The following TPR variants were observed in gnomAD, a reference collection of about 807,000 sequenced individuals.
The protein encoded by TPR is nucleoprotein TPR.
TPR carries 51 observed loss-of-function variants against 316.1 expected under a neutral mutation model. The observed-to-expected ratio is 0.16, with a 90% CI of 0.13 to 0.20. The LOEUF (loss-of-function observed/expected upper bound fraction) is 0.20. TPR is among the 10% of genes least tolerant of loss of function. The pLI is 1.00. For synonymous variants in TPR, 981 were observed against 914.7 expected, an observed-to-expected ratio of 1.07 and a Z score of -1.31; for missense variants, 2,272 against 2,754.8, an observed-to-expected ratio of 0.82 and a Z score of 3.92.
At chr1:186,339,797 G>T (rs1254096514) in intron 29 of TPR, 25 bp from the exon 30 acceptor site, 6 of 1,539,564 alleles carry the variant, frequency 3.9e-6, no homozygotes, top group South Asian at 2.5e-5. Context: ...ATGCATACTT[G>T]ATTTTTTTAG....
intron 2 of TPR, among the ~76,000 whole-genome samples, chr1:186,372,892 T>A (rs142862561): frequency 8.1e-4 from 123 of 152,290 alleles, no homozygotes; most frequent in Middle Eastern, 3.4e-3. Flanking sequence ...TTATAAAAAT[T>A]ATTAAAAAAT....
rs1658038149 is a variant in TPR, at chr1:186,327,528, C to G, written c.5821G>C (p.Asp1941His). 1 of 1,611,618 alleles carries G rather than the reference C, an allele frequency of 6.2e-7. No individual in the cohort carries two copies. Among genetic ancestry groups the G allele is most frequent in the Non-Finnish European group, 8.5e-7 (1 of 1,179,474 alleles). Residue 1941 changes from aspartate (D) to histidine (H), a missense_variant, in exon 40 of 51, where the codon GAT becomes CAT. Transcript: ENST00000367478. ...TCACTGTCAATTACAATGACATCAT[C>G]TCCTTTGCCTTGACCATCCTGGGAT... The part of the protein sequence containing the change: ...TSSQDGQGKG[D>H]DVIVIDSDDE...
rs767500118 is a variant in TPR at position 186,357,345 on chromosome 1, C to T, written c.1724+52G>A. ...TACAGGCATGAGACACTGAGCCTAG[C>T]TGAGGTTTTCATAAATGTTTGCTCA... On this transcript the variant is annotated intron_variant, in intron 14 of 50. Transcript: ENST00000367478. 3.7e-5 allele frequency: 59 copies of T among 1,573,900 alleles called. No individual in the cohort carries two copies. In the African/African-American group the frequency reaches 7.9e-4, roughly 21 times the overall value.
At chr1:186,357,358 A>G in intron 14 of TPR, 39 bp downstream of exon 14, 1 of 1,599,144 alleles carries the variant, frequency 6.3e-7, no homozygotes, top group Non-Finnish European at 8.6e-7. Context: ...AGGTTTTCAT[A>G]AATGTTTGCT....
intron 27 of TPR, chr1:186,342,587 C>G (rs996737157): frequency 2.0e-4 from 31 of 152,178 alleles, no homozygotes; most frequent in African/African-American, 7.0e-4. Context: ...ACACATAAAT[C>G]CCATAAAATT....
At chr1:186,335,595 C>G in intron 33 of TPR, 52 bp from the exon 34 acceptor site, 1 of 1,440,916 alleles carries the variant, frequency 6.9e-7, no homozygotes, top group Non-Finnish European at 9.3e-7. Flanking sequence ...ACATTTAAAA[C>G]AGCATTTATG....
chr1:186,312,475 C>A lies in TPR; in HGVS notation c.*1496G>T. ...AAATATGGATACTGATCAAACAGCC[C>A]TAATAATTTAAGCTTACTGATGAAA... On this transcript the variant is annotated 3_prime_UTR_variant, in exon 51 of 51. Coordinates refer to ENST00000367478, the MANE Select transcript of TPR (RefSeq NM_003292.3). The A allele has an allele frequency of 1.7e-6, 2 of 1,160,312 alleles. No homozygotes were observed. The highest frequency in any genetic ancestry group is 2.4e-6 in the Non-Finnish European group (2 of 823,516). The allele number at this position is 1,160,312 out of a possible 1,614,324, so 71.9% of individuals were successfully genotyped here.
chr1:186,323,587 TA>T, intron 43 of TPR, 98 bp downstream of exon 43: 12 of 1,215,856 alleles, frequency 9.9e-6, no homozygotes, highest in Non-Finnish European at 1.3e-5. Context: ...ATTGCTAATT[TA>T]AAAAAACCAA....
At chr1:186,339,589 G>C in intron 30 of TPR, 53 bp downstream of exon 30, 1 of 1,370,088 alleles carries the variant, frequency 7.3e-7, no homozygotes, top group South Asian at 1.9e-5. Context: ...ATGTAAATAA[G>C]TAAAATAAAC....
chr1:186,348,430 T>C (rs973538068), intron 21 of TPR, among the ~76,000 whole-genome samples: 9 of 152,214 alleles, frequency 5.9e-5, no homozygotes, highest in Non-Finnish European at 1.5e-5. Context: ...AAGATGTTTA[T>C]CAAGACAATA....
chr1:186,335,116 T>C lies in TPR; in HGVS notation c.4925A>G (p.Gln1642Arg). ...QEPSNKVPEQ[Q>R]RQITLKTTPA... The stretch of plus-strand genomic sequence containing the variant: ...AGTTGTTTTCAATGTGATCTGTCTC[T>C]GCTGTTCAGGGACCTATAAAGAGAA... Residue 1642 changes from glutamine (Q) to arginine (R), a missense_variant, in exon 35 of 51, where the codon CAG (glutamine) becomes CGG (arginine). Gln to Arg is a conservative substitution (Grantham distance 43). This residue lies in a region of TPR where 109 missense variants were observed against 215.3 expected (regional missense o/e 0.51). Coordinates refer to ENST00000367478, the MANE Select transcript of TPR (RefSeq NM_003292.3). The C allele has an allele frequency of 1.2e-6, 2 of 1,612,902 alleles. No individual in the cohort carries two copies. Among genetic ancestry groups the C allele is most frequent in the Non-Finnish European group, 8.5e-7 (1 of 1,179,442 alleles).
intron 27 of TPR, chr1:186,342,635 A>G (rs987498377): frequency 2.6e-5 from 4 of 151,830 alleles, no homozygotes; most frequent in Non-Finnish European, 5.9e-5. Flanking sequence ...TTTCTTCTTA[A>G]CAGTCATTTT....
rs575345627 is a variant in TPR, at chr1:186,362,352, C to G, written c.725G>C (p.Gly242Ala). 8 of 1,611,916 alleles carry G rather than the reference C, an allele frequency of 5.0e-6. No homozygotes were observed. Among genetic ancestry groups the G allele is most frequent in the Middle Eastern group, 1.7e-4 (1 of 6,050 alleles). Residue 242 changes from glycine (G) to alanine (A), a missense_variant, in exon 7 of 51, where the codon GGC becomes GCC. By Grantham distance (60) the Gly-to-Ala change is moderately conservative. Coordinates refer to ENST00000367478, the MANE Select transcript of TPR (RefSeq NM_003292.3). ...EVSRLEEQMN[G>A]LKTSNEHLQK... ...AAGATGTTCATTTGATGTTTTTAAG[C>G]CATTCATTTGTTCTTCCAGTCTAGA... is the stretch of plus-strand genomic sequence containing the variant.
Position 186,370,989 on chromosome 1 carries a change from T to A in TPR, c.311A>T (p.Asp104Val). 1 of 1,612,998 alleles carries A rather than the reference T, an allele frequency of 6.2e-7. No individual in the cohort carries two copies. The highest frequency in any genetic ancestry group is 1.1e-5 in the South Asian group (1 of 91,056). ...TCTTACCTGAATGGCAATATTGCGATCCTGAGCAATTTCAAGTTCTTTGTT... is the reference window on the plus strand; with the variant it reads ...TCTTACCTGAATGGCAATATTGCGAACCTGAGCAATTTCAAGTTCTTTGTT... Reference protein sequence around the residue: ...EKNKELEIAQDRNIAIQSQFT... With the variant: ...EKNKELEIAQVRNIAIQSQFT... The change falls in exon 3 of 51, where the codon GAT (aspartate) becomes GTT (valine). Residue 104 changes from aspartate to valine, a missense_variant. Around this residue, in one of 10 missense-constraint regions of TPR, gnomAD observed 549 missense variants for 598.6 expected, o/e 0.92. Transcript: ENST00000367478.
rs774281670 is a variant in TPR at position 186,356,497 on chromosome 1, T to C, written c.1725-48A>G. ...TCACAGGACTGAACTGAGAGTTAAC[T>C]GATTGTAATTTCTACTGTAATTAAC... On this transcript the variant is annotated intron_variant, in intron 14 of 50. Coordinates refer to ENST00000367478, the MANE Select transcript of TPR (RefSeq NM_003292.3). 2.6e-6 allele frequency: 4 copies of C among 1,514,866 alleles called. No individual in the cohort carries two copies. The Admixed American group carries it at 7.6e-5, about 29-fold the overall frequency. 93.8% of individuals were successfully genotyped at this position (1,514,866 alleles called of 1,614,324 possible).
In TPR at chr1:186,361,712, A is replaced by T. The variant is rs1210306110; in HGVS notation, c.871-3T>A. On this transcript the variant is annotated splice_polypyrimidine_tract_variant and splice_region_variant and intron_variant, in intron 8 of 50. Coordinates refer to ENST00000367478, the MANE Select transcript of TPR (RefSeq NM_003292.3). ...GCTTCTGAGTCATCAGCGGCACTCT[A>T]AAAGTTAATCTTAAAAAGTTACCTA... 4 of 1,613,290 alleles carry T rather than the reference A, an allele frequency of 2.5e-6. No homozygotes were observed. Among genetic ancestry groups the T allele is most frequent in the African/African-American group, 2.7e-5 (2 of 74,900 alleles).
chr1:186,360,619 A>C lies in TPR; in HGVS notation c.1099+146T>G, dbSNP rs576197500. On this transcript the variant is annotated intron_variant, in intron 10 of 50. Coordinates refer to ENST00000367478, the MANE Select transcript of TPR (RefSeq NM_003292.3). ...CTGTAAAGATACAGGTAAGAGTATTAATTTTAAAACAAATTCTATTAATAT... is the reference window on the plus strand; with the variant it reads ...CTGTAAAGATACAGGTAAGAGTATTCATTTTAAAACAAATTCTATTAATAT... 54 of 1,126,542 alleles carry C rather than the reference A, an allele frequency of 4.8e-5. No homozygotes were observed. In the East Asian group the frequency reaches 1.3e-3, roughly 28 times the overall value. The allele number at this position is 1,126,542 out of a possible 1,614,324, so 69.8% of individuals were successfully genotyped here.
At chr1:186,316,580 C>T (rs1657619562) in intron 49 of TPR, among the ~76,000 whole-genome samples, 1 of 152,084 alleles carries the variant, frequency 6.6e-6, no homozygotes, top group African/African-American at 2.4e-5. Flanking sequence ...ACTGTATATC[C>T]TTAATAGTAA....
In TPR at chr1:186,313,479, A is replaced by ATTT; in HGVS notation, c.*491_*492insAAA. ...CCTGATTTTACAAAAAGATGGTGAA[A>ATTT]TGTCAATCTTTTGAAACATCAAAAA... On this transcript the variant is annotated 3_prime_UTR_variant, in exon 51 of 51. Coordinates refer to ENST00000367478, the MANE Select transcript of TPR (RefSeq NM_003292.3). 1.1e-5 allele frequency: 6 copies of ATTT among 525,732 alleles called. No homozygotes were observed. The East Asian group carries it at 1.9e-4, about 16-fold the overall frequency. 32.6% of individuals were successfully genotyped at this position (525,732 alleles called of 1,614,324 possible).
Sources: gnomAD v4.1 joint callset for allele counts (sites outside exome capture counted in the v4.1 genomes callset) on GRCh38, gnomAD v4.1.1 for gene constraint, gnomAD v4.1.1 regional missense constraint, MANE v1.5 for transcripts, NCBI Gene and HGNC (gene_info 2026-07-23, HGNC 2026-07-21) for gene names.